The following TENM2 variants were observed in gnomAD, a reference collection of about 807,000 sequenced individuals.
TENM2 encodes teneurin transmembrane protein 2.
TENM2 carries 52 observed loss-of-function variants against 245.2 expected under a neutral mutation model. The observed-to-expected ratio is 0.21, with a 90% confidence interval of 0.17 to 0.27. The LOEUF is 0.27. TENM2 is among the 10% of genes least tolerant of loss of function. The pLI, the probability that TENM2 is intolerant of heterozygous loss-of-function variation, is 1.00. For missense variants in TENM2, 3,046 were observed against 3,666.8 expected, an observed-to-expected ratio of 0.83 and a Z score of 4.37; for synonymous variants, 1,363 against 1,438.9, an observed-to-expected ratio of 0.95 and a Z score of 1.19.
rs823324 is a variant in TENM2, at chr5:167,928,548, C to T, written c.713-24040C>T. Among the ~76,000 whole-genome samples, 1,038 of 152,006 alleles carry T rather than the reference C, an allele frequency of 6.8e-3. 4 individuals carry two copies. The highest frequency in any genetic ancestry group is 0.01 in the Non-Finnish European group (712 of 67,970). ...TTATTTAGTTATTACTGAAGGAGGGCGATATGCTTATATCATCCCCTGGCA... is the reference window on the plus strand; with the variant it reads ...TTATTTAGTTATTACTGAAGGAGGGTGATATGCTTATATCATCCCCTGGCA... On this transcript the variant is annotated intron_variant, in intron 3 of 28. Coordinates refer to ENST00000518659, the Ensembl canonical transcript of TENM2.
At chr5:167,695,612 A>C (rs1757706813) in intron 2 of TENM2, among the ~76,000 whole-genome samples, 1 of 152,170 alleles carries the variant, frequency 6.6e-6, no homozygotes, top group African/African-American at 2.4e-5. Flanking sequence ...TCAGACAAAA[A>C]TAGTTAGCTG....
chr5:167,134,715 C>T, the TENM2 span, among the ~76,000 whole-genome samples: 1 of 152,168 alleles, frequency 6.6e-6, no homozygotes, highest in Non-Finnish European at 1.5e-5. Context: ...AAACACAGTT[C>T]TCGTTGGACA....
intron 2 of TENM2, among the ~76,000 whole-genome samples, chr5:167,530,798 C>G (rs1240717671): frequency 6.6e-6 from 1 of 152,196 alleles, no homozygotes; most frequent in Non-Finnish European, 1.5e-5. Context: ...ACTTAGATGT[C>G]TGTTTACTGT....
the TENM2 span, among the ~76,000 whole-genome samples, chr5:167,222,184 T>C: frequency 6.6e-6 from 1 of 152,288 alleles, no homozygotes; most frequent in African/African-American, 2.4e-5. Flanking sequence ...TTTGTATTTG[T>C]GATAAAAAGA....
At chr5:167,226,379 T>C in the TENM2 span, among the ~76,000 whole-genome samples, 1 of 152,022 alleles carries the variant, frequency 6.6e-6, no homozygotes, top group African/African-American at 2.4e-5. Flanking sequence ...ACTTTTTGAC[T>C]TCCTCTTAAT....
At chr5:167,353,797 G>A (rs1443897231) in intron 1 of TENM2, among the ~76,000 whole-genome samples, 1 of 152,068 alleles carries the variant, frequency 6.6e-6, no homozygotes, top group East Asian at 1.9e-4. Context: ...GTGAGCCACC[G>A]CGCCCGGCCG....
At chr5:167,738,907 C>T (rs971344048) in intron 2 of TENM2, among the ~76,000 whole-genome samples, 2 of 152,170 alleles carry the variant, frequency 1.3e-5, no homozygotes, top group African/African-American at 4.8e-5. Flanking sequence ...AATGCCCTAT[C>T]TCCACATATA....
intron 2 of TENM2, among the ~76,000 whole-genome samples, chr5:167,703,988 G>A (rs1287567373): frequency 1.3e-5 from 2 of 152,184 alleles, no homozygotes; most frequent in Non-Finnish European, 2.9e-5. Flanking sequence ...GAGGAACAAG[G>A]AAGGAATCAA....
intron 2 of TENM2, chr5:167,754,980 T>C (rs999057581): frequency 1.9e-5 from 29 of 1,557,274 alleles, no homozygotes; most frequent in Admixed American, 1.7e-5. Context: ...TGTGTCAGAC[T>C]GGGACTGCTG....
intron 2 of TENM2, among the ~76,000 whole-genome samples, chr5:167,698,714 C>T (rs1377080746): frequency 3.3e-5 from 4 of 121,678 alleles, no homozygotes; most frequent in African/African-American, 1.0e-4. Flanking sequence ...GACATAATCT[C>T]GCTCTTTTGC....
At chr5:168,262,579 G>A in exon 29 of TENM2, 1 of 1,570,406 alleles carries the variant, frequency 6.4e-7, no homozygotes, top group Non-Finnish European at 8.6e-7. Context: ...TCCTGGACCA[G>A]GCGAGACAGA....
chr5:167,842,949 C>T (rs1583163551), intron 2 of TENM2, among the ~76,000 whole-genome samples: 1 of 152,160 alleles, frequency 6.6e-6, no homozygotes, highest in African/African-American at 2.4e-5. Flanking sequence ...TCTCATTCAC[C>T]AGCCTGTTTT....
intron 27 of TENM2, among the ~76,000 whole-genome samples, chr5:168,257,764 C>T (rs955858569): frequency 1.3e-5 from 2 of 152,084 alleles, no homozygotes; most frequent in Non-Finnish European, 2.9e-5. Context: ...TACAGGCACC[C>T]GCCACCACGC....
At chr5:167,377,505 T>C (rs144728297) in intron 2 of TENM2, among the ~76,000 whole-genome samples, 1 of 152,342 alleles carries the variant, frequency 6.6e-6, no homozygotes, top group Non-Finnish European at 1.5e-5. Context: ...TCTTTGTTTT[T>C]CTTTTTAAAA....
chr5:167,017,381 G>A, the TENM2 span, among the ~76,000 whole-genome samples: 1 of 152,148 alleles, frequency 6.6e-6, no homozygotes, highest in East Asian at 1.9e-4. Flanking sequence ...TTCCCTATGT[G>A]TACAAAGAAT....
At chr5:167,815,853 T>C (rs1364917981) in intron 2 of TENM2, among the ~76,000 whole-genome samples, 2 of 152,050 alleles carry the variant, frequency 1.3e-5, no homozygotes, top group Non-Finnish European at 2.9e-5. Context: ...TCTTCCCAGG[T>C]CCATAGTGAG....
intron 2 of TENM2, among the ~76,000 whole-genome samples, chr5:167,875,704 G>A (rs931048838): frequency 6.6e-6 from 1 of 152,096 alleles, no homozygotes; most frequent in African/African-American, 2.4e-5. Context: ...TGTAGCAGAG[G>A]AGGTAAAAGA....
At chr5:167,415,670 CA>C (rs542877237) in intron 2 of TENM2, among the ~76,000 whole-genome samples, 19 of 145,012 alleles carry the variant, frequency 1.3e-4, no homozygotes, top group Admixed American at 3.4e-4. Flanking sequence ...ATTGTTGAAG[CA>C]AAAAAAAAAG....
At chr5:167,955,175 G>A (rs928514859) in intron 4 of TENM2, among the ~76,000 whole-genome samples, 1 of 152,202 alleles carries the variant, frequency 6.6e-6, no homozygotes, top group African/African-American at 2.4e-5. Context: ...GGCATGAGAT[G>A]TTATCTCATT....
Sources: gnomAD v4.1 joint callset for allele counts (sites outside exome capture counted in the v4.1 genomes callset) on GRCh38, gnomAD v4.1.1 for gene constraint, MANE v1.5 for transcripts, NCBI Gene and HGNC (gene_info 2026-07-23, HGNC 2026-07-21) for gene names.